Variants in NME7 observed in about 807,000 individuals in gnomAD.
NME7 encodes the protein NME/NM23 family member 7.
NME7 carries 41 observed loss-of-function variants against 49.1 expected under a neutral mutation model. The observed-to-expected ratio is 0.83, with a 90% CI of 0.65 to 1.08. The LOEUF (loss-of-function observed/expected upper bound fraction) is 1.08. Among genes scored for constraint, NME7 ranks in the 50% least tolerant of loss-of-function variants. The pLI is 0.00. For synonymous variants in NME7, 139 were observed against 150.6 expected, an observed-to-expected ratio of 0.92 and a Z score of 0.56; for missense variants, 423 against 463.4, an observed-to-expected ratio of 0.91 and a Z score of 0.80.
chr1:169,290,233 C>T (rs1297269117), intron 6 of NME7, among the ~76,000 whole-genome samples: 1 of 151,874 alleles, frequency 6.6e-6, no homozygotes, highest in Non-Finnish European at 1.5e-5. Flanking sequence ...AAATGGTGGC[C>T]AGTTAAAAGT....
rs1378394163 is a variant in NME7 at position 169,165,306 on chromosome 1, TAAATA to T, written c.1098+4136_1098+4140del. Among the ~76,000 whole-genome samples, 3 of 143,844 alleles carry T rather than the reference TAAATA, an allele frequency of 2.1e-5. No individual in the cohort carries two copies. The East Asian group carries it at 5.8e-4, about 28-fold the overall frequency. The allele number at this position is 143,844 out of a possible 152,430, so 94.4% of individuals were successfully genotyped here. ...TATAATTGTTTGCTATAAAAATAAA[TAAATA>T]AATAAATAAATAAATAAAATAATGG... On this transcript the variant is annotated intron_variant, in intron 11 of 11. Coordinates refer to ENST00000367811, the MANE Select transcript of NME7 (RefSeq NM_013330.5).
intron 1 of NME7, among the ~76,000 whole-genome samples, chr1:169,358,088 T>A (rs191692290): frequency 1.3e-5 from 2 of 152,136 alleles, no homozygotes; most frequent in East Asian, 3.9e-4. Context: ...ATTTAATATA[T>A]AAAAGTAAAT....
chr1:169,303,455 C>CTTTTTTTTTTTTTTTTTTTTTTTTTTTT (rs969800387), intron 4 of NME7: 3 of 113,092 alleles, frequency 2.7e-5, no homozygotes, highest in Admixed American at 1.0e-4. Context: ...CTATCTTCTT[C>CTTTTTTTTTTTTTTTTTTTTTTTTTTTT]TTTTTTTTTT....
intron 10 of NME7, among the ~76,000 whole-genome samples, chr1:169,203,827 C>T (rs1002491849): frequency 6.6e-6 from 1 of 151,968 alleles, no homozygotes; most frequent in African/African-American, 2.4e-5. Context: ...TGTCTGATCC[C>T]GCATCCCCTC....
chr1:169,344,038 T>A (rs1422960479), intron 1 of NME7, among the ~76,000 whole-genome samples: 1 of 152,212 alleles, frequency 6.6e-6, no homozygotes, highest in African/African-American at 2.4e-5. Context: ...AGTCTTCTAA[T>A]CCATGAAGTT....
At chr1:169,290,476 A>G (rs1310746719) in intron 6 of NME7, among the ~76,000 whole-genome samples, 1 of 152,136 alleles carries the variant, frequency 6.6e-6, no homozygotes, top group Admixed American at 6.6e-5. Context: ...AGAAAACAGA[A>G]ACTGGACCCC....
intron 10 of NME7, among the ~76,000 whole-genome samples, chr1:169,226,489 T>C (rs997853273): frequency 2.0e-5 from 3 of 152,072 alleles, no homozygotes; most frequent in Non-Finnish European, 4.4e-5. Context: ...AGCCATTTTA[T>C]TGTCCTCAAA....
At chr1:169,132,913 G>C in intron 11 of NME7, 96 bp from the exon 12 acceptor site, 1 of 804,838 alleles carries the variant, frequency 1.2e-6, no homozygotes. Flanking sequence ...TCAGACACTG[G>C]CATACCCCTT....
intron 1 of NME7, among the ~76,000 whole-genome samples, chr1:169,349,974 T>C (rs777069969): frequency 6.6e-6 from 1 of 151,998 alleles, no homozygotes; most frequent in Non-Finnish European, 1.5e-5. Flanking sequence ...ATGGATTGCC[T>C]GAGGACAGGA....
chr1:169,346,858 A>C (rs1652968569), intron 1 of NME7, among the ~76,000 whole-genome samples: 1 of 152,226 alleles, frequency 6.6e-6, no homozygotes. Context: ...GTTATGCCTT[A>C]AAAGTTGAAT....
At chr1:169,133,738 T>G (rs181039502) in intron 11 of NME7, among the ~76,000 whole-genome samples, 2 of 152,280 alleles carry the variant, frequency 1.3e-5, no homozygotes, top group East Asian at 3.9e-4. Flanking sequence ...CATACCTACA[T>G]GAAACTGAGT....
chr1:169,233,446 C>T (rs35447001), intron 9 of NME7, among the ~76,000 whole-genome samples: 36,553 of 151,778 alleles, frequency 0.24, 5,383 homozygotes, highest in Non-Finnish European at 0.34. Context: ...AGTGAGACTA[C>T]GGGAAAGTAG....
At chr1:169,315,490 T>C (rs1255894058) in intron 3 of NME7, among the ~76,000 whole-genome samples, 1 of 152,068 alleles carries the variant, frequency 6.6e-6, no homozygotes, top group Non-Finnish European at 1.5e-5. Context: ...GGTCTCCAAC[T>C]CCTGACCTCA....
At chr1:169,294,618 A>G (rs1309959485) in intron 6 of NME7, among the ~76,000 whole-genome samples, 1 of 152,088 alleles carries the variant, frequency 6.6e-6, no homozygotes, top group South Asian at 2.1e-4. Flanking sequence ...TTCCAGCTAC[A>G]ATATTTTTCC....
Position 169,284,463 on chromosome 1 carries a change from C to CT in NME7, c.754+2839dup, listed in dbSNP as rs1220002124. ...TGTTTTTTCTTGTAAATTTAAGTCC[C>CT]TTGTAGATTCCAGATATTAAACCTT... is the stretch of plus-strand genomic sequence containing the variant. On this transcript the variant is annotated intron_variant, in intron 7 of 11. Transcript: ENST00000367811. The CT allele has an allele frequency of 2.6e-5, 4 of 152,014 alleles. No individual in the cohort carries two copies. In the East Asian group the frequency reaches 5.8e-4, roughly 22 times the overall value. 9.4% of individuals were successfully genotyped at this position (152,014 alleles called of 1,614,324 possible). A position where few individuals can be genotyped will look rare whatever the true frequency, so the allele number is the denominator to read the frequency against.
At chr1:169,314,460 A>C (rs1413731087) in intron 3 of NME7, among the ~76,000 whole-genome samples, 1 of 152,052 alleles carries the variant, frequency 6.6e-6, no homozygotes, top group Non-Finnish European at 1.5e-5. Context: ...AAAATAGATG[A>C]AAAAAATCCT....
chr1:169,261,634 TG>T lies in NME7; in HGVS notation c.755-23948del, dbSNP rs1158842275. Among the ~76,000 whole-genome samples, 2 of 133,420 alleles carry T rather than the reference TG, an allele frequency of 1.5e-5. 1 individual carries two copies. The highest frequency in any genetic ancestry group is 3.5e-5 in the Non-Finnish European group (2 of 56,834). 87.5% of individuals were successfully genotyped at this position (133,420 alleles called of 152,430 possible). On this transcript the variant is annotated intron_variant, in intron 7 of 11. Transcript: ENST00000367811. ...TGAACAAACTAGGAATCTTCAATCA[TG>T]TATCAACTTTTATAAGGCTTGACTC...
At chr1:169,150,949 A>G (rs983062442) in intron 11 of NME7, among the ~76,000 whole-genome samples, 2 of 152,188 alleles carry the variant, frequency 1.3e-5, no homozygotes, top group Non-Finnish European at 2.9e-5. Flanking sequence ...TGAAATTTGC[A>G]TATCACATAC....
intron 6 of NME7, 92 bp downstream of exon 6, chr1:169,298,464 A>G: frequency 7.7e-7 from 1 of 1,298,386 alleles, no homozygotes. Flanking sequence ...GCATAAATCC[A>G]CCCTAAGTCA....
Sources: gnomAD v4.1 joint callset for allele counts (sites outside exome capture counted in the v4.1 genomes callset) on GRCh38, gnomAD v4.1.1 for gene constraint, MANE v1.5 for transcripts, NCBI Gene and HGNC (gene_info 2026-07-23, HGNC 2026-07-21) for gene names.